Variants in PRMT8 observed in about 807,000 individuals in gnomAD.
PRMT8 encodes protein arginine methyltransferase 8.
A neutral mutation model predicts 47.1 loss-of-function variants in PRMT8; 7 were observed. The observed-to-expected ratio is 0.15, with a 90% CI of 0.08 to 0.28. The LOEUF (loss-of-function observed/expected upper bound fraction) is 0.28. PRMT8 is among the 10% of genes least tolerant of loss of function. The pLI is 1.00. For synonymous variants in PRMT8, 188 were observed against 186.5 expected, an observed-to-expected ratio of 1.01 and a Z score of -0.07; for missense variants, 237 against 505.4, an observed-to-expected ratio of 0.47 and a Z score of 5.09.
chr12:3,522,884 C>A (rs989807066), intron 1 of PRMT8, among the ~76,000 whole-genome samples: 1 of 151,926 alleles, frequency 6.6e-6, no homozygotes, highest in Non-Finnish European at 1.5e-5. Context: ...ACCCTTAAAG[C>A]TAACTCTAAG....
upstream of PRMT8, among the ~76,000 whole-genome samples, chr12:3,487,186 C>T (rs116037554): frequency 7.8e-3 from 1,185 of 152,232 alleles, 14 homozygotes; most frequent in African/African-American, 0.026. Context: ...GCCTGATTCT[C>T]GAGGAGTCGT....
At chr12:3,385,811 G>A (rs1864132538) in intron 1 of PRMT8, among the ~76,000 whole-genome samples, 1 of 152,208 alleles carries the variant, frequency 6.6e-6, no homozygotes, top group African/African-American at 2.4e-5. Flanking sequence ...CCCAGCCACT[G>A]GCAGCTTTGG....
intron 1 of PRMT8, among the ~76,000 whole-genome samples, chr12:3,467,239 CAAAAAAA>C (rs10694948): frequency 4.1e-5 from 2 of 48,818 alleles, no homozygotes; most frequent in Non-Finnish European, 6.2e-5. Flanking sequence ...GACTCCATCT[CAAAAAAA>C]AAAAAAAAAA....
intron 7 of PRMT8, 85 bp downstream of exon 7, chr12:3,577,071 A>AT (rs1051566383): frequency 2.6e-6 from 3 of 1,150,390 alleles, no homozygotes; most frequent in Non-Finnish European, 3.9e-6. Context: ...CGGCTCCTGC[A>AT]CAGCCCCCAC....
intron 8 of PRMT8, among the ~76,000 whole-genome samples, chr12:3,587,229 C>T (rs1485084248): frequency 1.4e-5 from 2 of 147,912 alleles, no homozygotes; most frequent in Non-Finnish European, 3.0e-5. Flanking sequence ...ATGAACTCAC[C>T]ACATAACTCA....
intron 6 of PRMT8, among the ~76,000 whole-genome samples, chr12:3,575,588 G>A (rs1866925630): frequency 6.6e-6 from 1 of 152,238 alleles, no homozygotes; most frequent in African/African-American, 2.4e-5. Context: ...GTGTGATCAT[G>A]GGCCAGATAT....
chr12:3,461,136 A>T (rs1259253707), intron 1 of PRMT8, among the ~76,000 whole-genome samples: 1 of 152,196 alleles, frequency 6.6e-6, no homozygotes, highest in Non-Finnish European at 1.5e-5. Flanking sequence ...TCCTCTGTCA[A>T]TTCTTGAGCT....
Position 3,555,930 on chromosome 12 carries a change from G to A in PRMT8, c.481+2216G>A, listed in dbSNP as rs549958278. 2.4e-4 allele frequency among the ~76,000 whole-genome samples: 24 copies of A among 100,052 alleles called. 3 individuals carry two copies. In the South Asian group the frequency reaches 4.8e-3, roughly 20 times the overall value. 65.6% of individuals were successfully genotyped at this position (100,052 alleles called of 152,430 possible). A position where few individuals can be genotyped will look rare whatever the true frequency, so the allele number is the denominator to read the frequency against. ...GAAGCAAGGATTCTTTTTGACTTGG[G>A]AAACTGGGTGGATGGGACCTGAGGA... On this transcript the variant is annotated intron_variant, in intron 4 of 9. Transcript: ENST00000382622.
intron 1 of PRMT8, among the ~76,000 whole-genome samples, chr12:3,522,432 G>A (rs1440818722): frequency 6.6e-6 from 1 of 152,068 alleles, no homozygotes; most frequent in Non-Finnish European, 1.5e-5. Flanking sequence ...TTGGGAGGCC[G>A]AGGTGGGAGG....
intron 2 of PRMT8, among the ~76,000 whole-genome samples, chr12:3,545,189 A>C (rs1205107309): frequency 1.3e-5 from 2 of 152,254 alleles, no homozygotes; most frequent in African/African-American, 2.4e-5. Context: ...TGAGGCACAG[A>C]CAGCTGAAAG....
At chr12:3,544,497 G>A (rs1254561471) in intron 2 of PRMT8, among the ~76,000 whole-genome samples, 1 of 152,248 alleles carries the variant, frequency 6.6e-6, no homozygotes, top group African/African-American at 2.4e-5. Flanking sequence ...CAGAAAGAGT[G>A]CAGCTCGACA....
At chr12:3,506,245 G>A (rs1161603947) in intron 1 of PRMT8, among the ~76,000 whole-genome samples, 1 of 152,176 alleles carries the variant, frequency 6.6e-6, no homozygotes, top group Non-Finnish European at 1.5e-5. Context: ...GACTAAGTGA[G>A]TTATTTCACA....
chr12:3,583,148 C>G lies in PRMT8; in HGVS notation c.919C>G (p.Leu307Val). Residue 307 changes from leucine to valine, a missense_variant, in exon 8 of 10, where the codon CTG (leucine) becomes GTG (valine). This residue lies in a region of PRMT8 where 151 missense variants were observed against 341.1 expected (regional missense o/e 0.44). Transcript: ENST00000382622. The surrounding 1 kb of genome is among the most constrained non-coding windows in gnomAD (Gnocchi z 4.7). Reference sequence around the variant, plus strand: ...ACAGCGCAACGACTACGTCCACGCCCTGGTCACCTATTTTAATATTGAATT... The same window carrying G: ...ACAGCGCAACGACTACGTCCACGCCGTGGTCACCTATTTTAATATTGAATT... Reference protein sequence around the residue: ...QIQRNDYVHALVTYFNIEFTK... With the variant: ...QIQRNDYVHAVVTYFNIEFTK... 1 of 1,614,106 alleles carries G rather than the reference C, an allele frequency of 6.2e-7. No individual in the cohort carries two copies. The highest frequency in any genetic ancestry group is 8.5e-7 in the Non-Finnish European group (1 of 1,179,996).
intron 1 of PRMT8, among the ~76,000 whole-genome samples, chr12:3,516,956 AACT>A (rs1471495357): frequency 1.3e-5 from 2 of 152,220 alleles, no homozygotes; most frequent in African/African-American, 4.8e-5. Context: ...CCCCTGAGCT[AACT>A]AGGATTGCAA....
intron 1 of PRMT8, among the ~76,000 whole-genome samples, chr12:3,419,918 A>G (rs1444817253): frequency 7.2e-6 from 1 of 139,414 alleles, no homozygotes; most frequent in East Asian, 2.3e-4. Flanking sequence ...ATGGAGCCAG[A>G]GGGAGCCAAG....
At chr12:3,415,912 G>A (rs1864478542) in intron 1 of PRMT8, among the ~76,000 whole-genome samples, 1 of 152,206 alleles carries the variant, frequency 6.6e-6, no homozygotes, top group Non-Finnish European at 1.5e-5. Flanking sequence ...GTGAGCTGGG[G>A]TAATCACAGG....
intron 4 of PRMT8, among the ~76,000 whole-genome samples, chr12:3,560,861 T>C (rs11614637): frequency 2.3e-4 from 35 of 152,308 alleles, no homozygotes; most frequent in Non-Finnish European, 2.5e-4. Context: ...TTAGAGGAGA[T>C]AGGCCAGTGC....
chr12:3,582,208 A>G (rs2137227448), intron 7 of PRMT8, among the ~76,000 whole-genome samples: 1 of 152,346 alleles, frequency 6.6e-6, no homozygotes. Context: ...GCAGCAGGCC[A>G]GCATTCTTCC....
At chr12:3,510,381 T>C (rs1865693432) in intron 1 of PRMT8, among the ~76,000 whole-genome samples, 1 of 152,148 alleles carries the variant, frequency 6.6e-6, no homozygotes, top group Admixed American at 6.5e-5. Context: ...TAATATACTA[T>C]ACAGTTTCAA....
Sources: gnomAD v4.1 joint callset for allele counts (sites outside exome capture counted in the v4.1 genomes callset) on GRCh38, gnomAD v4.1.1 for gene constraint, gnomAD v4.1.1 regional missense constraint, Gnocchi (gnomAD v3.1) non-coding constraint, MANE v1.5 for transcripts, NCBI Gene and HGNC (gene_info 2026-07-23, HGNC 2026-07-21) for gene names.